The following DMD variants were observed in gnomAD, a reference collection of about 807,000 sequenced individuals.
DMD encodes the protein mutant dystrophin.
In DMD, 63 loss-of-function variants were observed where a neutral mutation model predicts 330.1. The ratio of observed to expected loss-of-function variants is 0.19; its 90% CI spans 0.16 to 0.24. The LOEUF (loss-of-function observed/expected upper bound fraction) is 0.24. Ranked by LOEUF, DMD falls within the 10% of genes least tolerant of loss-of-function variation. The pLI, the probability that DMD is intolerant of heterozygous loss-of-function variation, is 1.00. For synonymous variants in DMD, 1,223 were observed against 959.8 expected (o/e 1.27, Z -5.07); for missense variants, 3,344 against 2,684.1 (o/e 1.25, Z -5.43).
At position 33,125,686 on chromosome X, in the gene DMD, T is replaced by C. The variant is rs192982224; in HGVS notation, c.31+85596A>G. The stretch of plus-strand genomic sequence containing the variant: ...CGTTCTAATTTTTTACGAAGCATTA[T>C]AATTAAGCAAAATATCCAGTTTTTT... On this transcript the variant is annotated intron_variant, in intron 1 of 78. Coordinates refer to ENST00000357033, the MANE Select transcript of DMD (RefSeq NM_004006.3). 1.4e-3 allele frequency among the ~76,000 whole-genome samples: 154 copies of C among 111,815 alleles called. 1 individual carries two copies. The highest frequency in any genetic ancestry group is 4.8e-3 in the African/African-American group (148 of 30,888).
chrX:33,128,157 C>A (rs1342106989), intron 1 of DMD: 1 of 1,207,776 alleles, frequency 8.3e-7, no homozygotes, highest in South Asian at 1.8e-5. Flanking sequence ...CAGATGAGAC[C>A]TCAGACATTT....
chrX:32,205,052 C>T (rs1667930285), intron 44 of DMD, among the ~76,000 whole-genome samples: 1 of 100,061 alleles, frequency 1.0e-5, no homozygotes, highest in Non-Finnish European at 2.0e-5. Flanking sequence ...CCCACACACA[C>T]ACAGTCGCAA....
intron 44 of DMD, among the ~76,000 whole-genome samples, chrX:32,068,373 C>CTTTTTTT (rs1569539146): frequency 6.6e-5 from 4 of 60,510 alleles, no homozygotes; most frequent in African/African-American, 3.1e-4. Context: ...CCTTGCTTGT[C>CTTTTTTT]ATTTTTTTTT....
intron 26 of DMD, among the ~76,000 whole-genome samples, chrX:32,452,221 C>T (rs1290191690): frequency 2.1e-4 from 22 of 102,443 alleles, no homozygotes; most frequent in East Asian, 1.5e-3. Flanking sequence ...TATAAATAGA[C>T]GCAGTGAGAA....
intron 43 of DMD, among the ~76,000 whole-genome samples, chrX:32,260,170 C>T (rs1409838091): frequency 9.0e-6 from 1 of 111,107 alleles, no homozygotes; most frequent in African/African-American, 3.3e-5. Flanking sequence ...TGCATCACTT[C>T]TTGCCTGAGG....
chrX:32,758,380 G>A (rs967833202), intron 7 of DMD, among the ~76,000 whole-genome samples: 1 of 111,302 alleles, frequency 9.0e-6, no homozygotes, highest in East Asian at 2.8e-4. Context: ...TTAAATCCAG[G>A]TCTTTCTCCT....
intron 6 of DMD, 32 bp downstream of exon 6, chrX:32,816,436 C>G (rs767371261): frequency 8.3e-7 from 1 of 1,205,075 alleles, no homozygotes; most frequent in South Asian, 1.8e-5. Context: ...ACCACTTTTA[C>G]AAGTTATTTA....
chrX:32,196,756 T>A (rs6628683), intron 44 of DMD, among the ~76,000 whole-genome samples: 1 of 109,726 alleles, frequency 9.1e-6, no homozygotes, highest in African/African-American at 3.3e-5. Context: ...GAGGCCAAGG[T>A]GGGCAGATCA....
intron 7 of DMD, among the ~76,000 whole-genome samples, chrX:32,742,583 A>C (rs776237316): frequency 8.9e-6 from 1 of 112,050 alleles, no homozygotes; most frequent in East Asian, 2.8e-4. Flanking sequence ...ACCCAAGCTA[A>C]AGCTCATCTG....
At chrX:32,383,990 C>T (rs192973286) in intron 33 of DMD, among the ~76,000 whole-genome samples, 47 of 110,253 alleles carry the variant, frequency 4.3e-4, no homozygotes, top group African/African-American at 1.5e-3. Context: ...TTTACCAAAA[C>T]ATATATTTTC....
chrX:31,889,658 CA>C (rs2094211125), intron 47 of DMD, among the ~76,000 whole-genome samples: 1 of 76,128 alleles, frequency 1.3e-5, no homozygotes, highest in Admixed American at 1.3e-4. Flanking sequence ...CACACACACA[CA>C]CACACACACA....
At chrX:31,816,661 T>C (rs2092632375) in intron 50 of DMD, among the ~76,000 whole-genome samples, 1 of 108,549 alleles carries the variant, frequency 9.2e-6, no homozygotes, top group Non-Finnish European at 1.9e-5. Context: ...TAGCTGGGCA[T>C]GGTGGTGCGC....
intron 52 of DMD, among the ~76,000 whole-genome samples, chrX:31,683,658 C>A (rs6628625): frequency 1.8e-5 from 2 of 110,809 alleles, no homozygotes; most frequent in Admixed American, 9.6e-5. Flanking sequence ...GAAAATACAA[C>A]GTAAAAAGAA....
At chrX:31,949,733 A>G (rs1603617588) in intron 45 of DMD, among the ~76,000 whole-genome samples, 1 of 110,968 alleles carries the variant, frequency 9.0e-6, no homozygotes, top group African/African-American at 3.3e-5. Flanking sequence ...TTTTTCTTGA[A>G]TCAGTTTTGT....
chrX:31,795,947 T>G (rs930275339), intron 50 of DMD, among the ~76,000 whole-genome samples: 1 of 111,852 alleles, frequency 8.9e-6, no homozygotes, highest in African/African-American at 3.2e-5. Context: ...AGGCAGCAAT[T>G]GGTGATTAGG....
intron 59 of DMD, among the ~76,000 whole-genome samples, chrX:31,475,731 T>C (rs953743968): frequency 3.6e-5 from 4 of 112,123 alleles, no homozygotes; most frequent in African/African-American, 1.3e-4. Flanking sequence ...CATGGGGTCA[T>C]AAAACATTGG....
At chrX:32,863,266 C>CA (rs1273968003) in intron 2 of DMD, among the ~76,000 whole-genome samples, 3 of 109,870 alleles carry the variant, frequency 2.7e-5, no homozygotes, top group African/African-American at 1.0e-4. Flanking sequence ...CCTGTAACCC[C>CA]AGTACTTTGG....
At chrX:32,702,372 A>C in intron 7 of DMD, among the ~76,000 whole-genome samples, 1 of 111,674 alleles carries the variant, frequency 9.0e-6, no homozygotes, top group East Asian at 2.8e-4. Context: ...GGAATGGGGA[A>C]GAGTATTCGG....
chrX:32,172,531 T>C (rs1214143015), intron 44 of DMD, among the ~76,000 whole-genome samples: 1 of 111,924 alleles, frequency 8.9e-6, no homozygotes, highest in Non-Finnish European at 1.9e-5. Flanking sequence ...TTGTGTTCAA[T>C]AGCAACTAAA....
Sources: gnomAD v4.1 joint callset for allele counts (sites outside exome capture counted in the v4.1 genomes callset) on GRCh38, gnomAD v4.1.1 for gene constraint, MANE v1.5 for transcripts, NCBI Gene and HGNC (gene_info 2026-07-23, HGNC 2026-07-21) for gene names.